Variants in GRM1 observed in about 807,000 individuals in gnomAD.
The protein encoded by GRM1 is glutamate metabotropic receptor 1.
In GRM1, 33 loss-of-function variants were observed where a neutral mutation model predicts 90.9. The ratio of observed to expected loss-of-function variants is 0.36; its 90% CI spans 0.28 to 0.49. GRM1 has a LOEUF of 0.49. Ranked by LOEUF, GRM1 falls within the 20% of genes least tolerant of loss-of-function variation. GRM1 has a pLI of 0.99. For missense variants in GRM1, 1,190 were observed against 1,534.3 expected, an observed-to-expected ratio of 0.78 and a Z score of 3.75; for synonymous variants, 700 against 613.2, an observed-to-expected ratio of 1.14 and a Z score of -2.09.
intron 5 of GRM1, among the ~76,000 whole-genome samples, chr6:146,383,209 T>A (rs1776383182): frequency 6.6e-6 from 1 of 152,212 alleles, no homozygotes; most frequent in African/African-American, 2.4e-5. Context: ...TAATAACTTA[T>A]TCATTAATGT....
At chr6:146,265,856 C>T (rs565054190) in intron 2 of GRM1, among the ~76,000 whole-genome samples, 13 of 152,136 alleles carry the variant, frequency 8.5e-5, no homozygotes, top group Non-Finnish European at 1.9e-4. Flanking sequence ...TATTGTGTTC[C>T]ATTAACCTCT....
intron 7 of GRM1, among the ~76,000 whole-genome samples, chr6:146,417,416 A>T (rs1460683852): frequency 1.3e-5 from 2 of 152,152 alleles, no homozygotes; most frequent in African/African-American, 4.8e-5. Flanking sequence ...CTACCACTTA[A>T]CACTATTGGA....
chr6:146,423,873 G>A (rs779994326), intron 7 of GRM1, among the ~76,000 whole-genome samples: 60 of 152,186 alleles, frequency 3.9e-4, no homozygotes, highest in Non-Finnish European at 7.5e-4. Context: ...GAGGTAAAGT[G>A]TTAAAGGTAC....
intron 1 of GRM1, among the ~76,000 whole-genome samples, chr6:146,048,465 T>TG (rs1385826763): frequency 6.6e-6 from 1 of 152,042 alleles, no homozygotes; most frequent in Non-Finnish European, 1.5e-5. Context: ...TTAAAACATA[T>TG]GCTTTTTCAA....
At position 146,211,138 on chromosome 6, in the gene GRM1, AC is replaced by A. The variant is rs1171073648; in HGVS notation, c.950+51542del. On this transcript the variant is annotated intron_variant, in intron 2 of 7. Transcript: ENST00000282753. ...TTATATAGGGAAGAAAAAAAAAAAA[AC>A]ATTTGGCTTAACTTGGTATAGTATT... Among the ~76,000 whole-genome samples the A allele has an allele frequency of 3.3e-5, 5 of 151,954 alleles. No individual in the cohort carries two copies. The South Asian group carries it at 1.0e-3, about 32-fold the overall frequency.
chr6:146,430,724 C>T (rs946648480), intron 7 of GRM1, among the ~76,000 whole-genome samples: 1 of 152,086 alleles, frequency 6.6e-6, no homozygotes, highest in African/African-American at 2.4e-5. Flanking sequence ...GGGTTCCCTG[C>T]CTTCTCAAAT....
At chr6:146,321,943 T>G (rs961604574) in intron 3 of GRM1, among the ~76,000 whole-genome samples, 1 of 152,202 alleles carries the variant, frequency 6.6e-6, no homozygotes, top group African/African-American at 2.4e-5. Context: ...GTCTTTTAAT[T>G]GGAACATTTT....
chr6:146,217,075 C>G (rs1159737126), intron 2 of GRM1, among the ~76,000 whole-genome samples: 1 of 152,038 alleles, frequency 6.6e-6, no homozygotes, highest in African/African-American at 2.4e-5. Flanking sequence ...ACTGGAGGAG[C>G]CTTGTGGGAT....
intron 2 of GRM1, among the ~76,000 whole-genome samples, chr6:146,267,620 A>AGGCTG (rs1170440263): frequency 5.3e-5 from 4 of 74,998 alleles, no homozygotes; most frequent in Non-Finnish European, 8.7e-5. Flanking sequence ...GTAGGCTGGG[A>AGGCTG]GGCTGGGCTG....
At chr6:146,355,426 A>G (rs993739441) in intron 4 of GRM1, among the ~76,000 whole-genome samples, 9 of 152,202 alleles carry the variant, frequency 5.9e-5, no homozygotes, top group African/African-American at 2.2e-4. Flanking sequence ...AGAGATGAAT[A>G]ATGTGCTCTG....
At chr6:146,134,941 C>T (rs1369697431) in intron 1 of GRM1, among the ~76,000 whole-genome samples, 1 of 151,818 alleles carries the variant, frequency 6.6e-6, no homozygotes, top group Admixed American at 6.6e-5. Context: ...AAAAACAAAA[C>T]AAAACAAAAC....
intron 6 of GRM1, among the ~76,000 whole-genome samples, chr6:146,387,855 C>T (rs1218294414): frequency 6.6e-6 from 1 of 152,026 alleles, no homozygotes; most frequent in Non-Finnish European, 1.5e-5. Flanking sequence ...TGGTGAATGA[C>T]ATTATGATAC....
intron 2 of GRM1, among the ~76,000 whole-genome samples, chr6:146,238,021 G>A (rs1247452800): frequency 1.3e-5 from 2 of 152,040 alleles, no homozygotes; most frequent in East Asian, 3.9e-4. Flanking sequence ...CTAACTAATG[G>A]GCACTATGAG....
intron 1 of GRM1, among the ~76,000 whole-genome samples, chr6:146,094,211 A>G (rs942556110): frequency 2.0e-5 from 3 of 152,130 alleles, no homozygotes; most frequent in African/African-American, 7.2e-5. Flanking sequence ...CAAGCTAGAG[A>G]AAGTGCAAAG....
chr6:146,187,055 T>C (rs1778760678), intron 2 of GRM1, among the ~76,000 whole-genome samples: 1 of 152,166 alleles, frequency 6.6e-6, no homozygotes, highest in Non-Finnish European at 1.5e-5. Context: ...TACTATGTAT[T>C]TAAAAGAAGG....
At chr6:146,045,930 C>A (rs1275504080) in intron 1 of GRM1, among the ~76,000 whole-genome samples, 3 of 151,940 alleles carry the variant, frequency 2.0e-5, no homozygotes, top group African/African-American at 7.2e-5. Flanking sequence ...TATATGAATA[C>A]TGGTATCTAG....
At chr6:146,095,843 T>G (rs1776856315) in intron 1 of GRM1, among the ~76,000 whole-genome samples, 1 of 152,140 alleles carries the variant, frequency 6.6e-6, no homozygotes, top group East Asian at 1.9e-4. Flanking sequence ...AGAAGCTTCT[T>G]AGCATCTCTA....
chr6:146,371,916 A>G (rs1251992581), intron 5 of GRM1, among the ~76,000 whole-genome samples: 1 of 152,158 alleles, frequency 6.6e-6, no homozygotes, highest in East Asian at 1.9e-4. Flanking sequence ...AAAGTGCTAC[A>G]ACAAACATAG....
At chr6:146,142,720 C>G (rs926252357) in intron 1 of GRM1, among the ~76,000 whole-genome samples, 1 of 150,434 alleles carries the variant, frequency 6.6e-6, no homozygotes, top group South Asian at 2.2e-4. Context: ...CCTATGTTCA[C>G]TCAAGCCCTA....
Sources: gnomAD v4.1 joint callset for allele counts (sites outside exome capture counted in the v4.1 genomes callset) on GRCh38, gnomAD v4.1.1 for gene constraint, MANE v1.5 for transcripts, NCBI Gene and HGNC (gene_info 2026-07-23, HGNC 2026-07-21) for gene names.